MECOM: variants seen among roughly 807,000 people sequenced by gnomAD.
The protein encoded by MECOM is histone-lysine N-methyltransferase MECOM.
A neutral mutation model predicts 116.3 loss-of-function variants in MECOM; 13 were observed. That is an observed-to-expected ratio of 0.11 (90% CI 0.07 to 0.18). MECOM has a LOEUF of 0.18. Among genes scored for constraint, MECOM ranks in the 10% least tolerant of loss-of-function variants. The probability of loss-of-function intolerance (pLI) is 1.00; values close to 1 mark genes in which losing one functional copy is unlikely to be tolerated. For missense variants in MECOM, 1,299 were observed against 1,509.0 expected (o/e 0.86, Z 2.31); for synonymous variants, 528 against 535.2 (o/e 0.99, Z 0.19).
At chr3:169,329,855 T>C (rs1170218393) in intron 2 of MECOM, among the ~76,000 whole-genome samples, 1 of 152,166 alleles carries the variant, frequency 6.6e-6, no homozygotes, top group East Asian at 1.9e-4. Flanking sequence ...ACTAAGAAAG[T>C]GTGTCGACCT....
chr3:169,375,204 G>A (rs1730809137), intron 2 of MECOM, among the ~76,000 whole-genome samples: 1 of 152,092 alleles, frequency 6.6e-6, no homozygotes, highest in Admixed American at 6.6e-5. Context: ...AACACTAAAT[G>A]CCCGCAGAAG....
At chr3:169,162,232 C>A (rs1405220812) in intron 2 of MECOM, among the ~76,000 whole-genome samples, 2 of 152,112 alleles carry the variant, frequency 1.3e-5, no homozygotes, top group Non-Finnish European at 2.9e-5. Flanking sequence ...TGGCTTTTGA[C>A]TCACAGGTTG....
intron 1 of MECOM, among the ~76,000 whole-genome samples, chr3:169,385,221 T>G (rs201088532): frequency 6.6e-6 from 1 of 151,702 alleles, no homozygotes; most frequent in Non-Finnish European, 1.5e-5. Context: ...TCTAAGCGAG[T>G]GCATTTAGAT....
chr3:169,263,100 TATATATATATATATATATATATATATA>T (rs2149620059), intron 2 of MECOM, among the ~76,000 whole-genome samples: 1 of 70,106 alleles, frequency 1.4e-5, no homozygotes, highest in African/African-American at 8.4e-5. Context: ...TATATATATA[TATATATATATATATATATATATATATA>T]TGTTTTTTTT....
rs540809646 is a variant in MECOM, at chr3:169,558,865, G to T, written c.37+104471C>A. Among the ~76,000 whole-genome samples, 29 of 152,150 alleles carry T rather than the reference G, an allele frequency of 1.9e-4. No homozygotes were observed. In the East Asian group the frequency reaches 5.4e-3, roughly 28 times the overall value. ...CAATGCTTAAACCTTTGGGAAAAAA[G>T]CATCTAGATTCCCTCTCAACCCCAG... On this transcript the variant is annotated intron_variant, in intron 1 of 16. Transcript: ENST00000651503.
intron 1 of MECOM, among the ~76,000 whole-genome samples, chr3:169,534,880 A>T (rs1759153778): frequency 6.6e-6 from 1 of 152,210 alleles, no homozygotes; most frequent in African/African-American, 2.4e-5. Flanking sequence ...TGTGCTCTGA[A>T]CCTGCTACCT....
intron 2 of MECOM, among the ~76,000 whole-genome samples, chr3:169,219,764 T>C (rs1218855123): frequency 6.7e-6 from 1 of 150,052 alleles, no homozygotes; most frequent in Non-Finnish European, 1.5e-5. Flanking sequence ...TGTATATATA[T>C]AATGGTATAT....
At chr3:169,167,297 CT>C (rs1299197522) in intron 2 of MECOM, among the ~76,000 whole-genome samples, 1 of 152,206 alleles carries the variant, frequency 6.6e-6, no homozygotes, top group Non-Finnish European at 1.5e-5. Flanking sequence ...TATTCACCCC[CT>C]GTGCCTTCTC....
chr3:169,242,118 C>G (rs1754899632), intron 2 of MECOM, among the ~76,000 whole-genome samples: 1 of 152,172 alleles, frequency 6.6e-6, no homozygotes, highest in Non-Finnish European at 1.5e-5. Flanking sequence ...TTTAAAGGCA[C>G]TTTTAATGCC....
chr3:169,169,817 G>A (rs530857783), intron 2 of MECOM, among the ~76,000 whole-genome samples: 54 of 150,390 alleles, frequency 3.6e-4, no homozygotes, highest in African/African-American at 1.3e-3. Flanking sequence ...TTCTATATGA[G>A]AGCAGTTCTA....
rs71166260 is a variant in MECOM, at chr3:169,663,474, GTC to G, written c.-104_-103del. ...CTCTCGCTCCCTCCCTCTCTCTCCT[GTC>G]TCTCTCTCTCTCTCTCTCTCTCTCT... On this transcript the variant is annotated 5_prime_UTR_variant, in exon 1 of 17. Coordinates refer to ENST00000651503, the MANE Select transcript of MECOM (RefSeq NM_004991.4). 0.03 allele frequency: 16,635 copies of G among 562,210 alleles called. 156 individuals carry two copies. The highest frequency in any genetic ancestry group is 0.053 in the East Asian group (1,220 of 22,870). 34.8% of individuals were successfully genotyped at this position (562,210 alleles called of 1,614,324 possible).
Position 169,125,547 on chromosome 3 carries a change from G to A in MECOM, c.830+2297C>T, listed in dbSNP as rs142730065. On this transcript the variant is annotated intron_variant, in intron 5 of 16. Coordinates refer to ENST00000651503, the MANE Select transcript of MECOM (RefSeq NM_004991.4). ...GGTGTAAAAAGATAACAAAGCAAAA[G>A]GAATTTTCCCTTCTTTGTTTCTAAT... is the stretch of plus-strand genomic sequence containing the variant. Among the ~76,000 whole-genome samples, 90 of 152,102 alleles carry A rather than the reference G, an allele frequency of 5.9e-4. 1 individual carries two copies. The East Asian group carries it at 0.015, about 26-fold the overall frequency.
chr3:169,331,026 T>C, intron 2 of MECOM, among the ~76,000 whole-genome samples: 1 of 152,094 alleles, frequency 6.6e-6, no homozygotes, highest in East Asian at 1.9e-4. Flanking sequence ...CCACCACAAA[T>C]GTGACTACTT....
rs930433339 is a variant in MECOM at position 169,373,060 on chromosome 3, C to T, written c.375+8127G>A. On this transcript the variant is annotated intron_variant, in intron 2 of 16. Transcript: ENST00000651503. ...TTCTACTCAGTAATTTTAATCAATC[C>T]GTAACTCTAAAGTTCATAACCTGAG... Among the ~76,000 whole-genome samples the T allele has an allele frequency of 1.8e-4, 27 of 151,954 alleles. 1 individual carries two copies. The highest frequency in any genetic ancestry group is 5.8e-4 in the African/African-American group (24 of 41,416).
intron 4 of MECOM, among the ~76,000 whole-genome samples, chr3:169,129,314 G>T (rs902219774): frequency 6.6e-6 from 1 of 152,018 alleles, no homozygotes; most frequent in Non-Finnish European, 1.5e-5. Flanking sequence ...GAAGCTGGAG[G>T]GGGTGCAGCT....
chr3:169,169,853 C>A (rs1259041178), intron 2 of MECOM, among the ~76,000 whole-genome samples: 2 of 148,984 alleles, frequency 1.3e-5, no homozygotes, highest in African/African-American at 4.9e-5. Flanking sequence ...TTTTTTTTCC[C>A]ATGGGAAAGA....
intron 1 of MECOM, among the ~76,000 whole-genome samples, chr3:169,517,431 T>G (rs1428763271): frequency 6.6e-6 from 1 of 152,218 alleles, no homozygotes; most frequent in African/African-American, 2.4e-5. Flanking sequence ...ACTTATCCAA[T>G]ATGTGCCTAA....
At chr3:169,495,183 C>T (rs1753662247) in intron 1 of MECOM, among the ~76,000 whole-genome samples, 1 of 152,134 alleles carries the variant, frequency 6.6e-6, no homozygotes, top group South Asian at 2.1e-4. Context: ...CTCCCCTGGA[C>T]CCTATCCAAG....
chr3:169,474,368 T>C (rs890506902), intron 1 of MECOM, among the ~76,000 whole-genome samples: 2 of 152,182 alleles, frequency 1.3e-5, no homozygotes, highest in Non-Finnish European at 2.9e-5. Context: ...TTTCCTTTTT[T>C]CAATATACGG....
Sources: allele counts gnomAD v4.1 joint callset (sites outside exome capture counted in the v4.1 genomes callset), GRCh38; gene constraint gnomAD v4.1.1; transcripts MANE v1.5; gene names NCBI Gene and HGNC (gene_info 2026-07-23, HGNC 2026-07-21).